Variants in AKR1C8 observed in about 807,000 individuals in gnomAD.
AKR1C8 encodes aldo-keto reductase family 1 member C8.
chr10:5,129,702 C>T, the AKR1C8 span, among the ~76,000 whole-genome samples: 1 of 151,904 alleles, frequency 6.6e-6, no homozygotes, highest in Non-Finnish European at 1.5e-5. Flanking sequence ...AACATACAAC[C>T]TTCTTAGATT....
the AKR1C8 span, chr10:5,159,865 G>C: frequency 2.0e-6 from 1 of 504,878 alleles, no homozygotes; most frequent in Non-Finnish European, 4.1e-6. Context: ...AGAAGGTCCC[G>C]GTGGGCTAAG....
At chr10:5,151,151 C>A in the AKR1C8 span, among the ~76,000 whole-genome samples, 1 of 152,058 alleles carries the variant, frequency 6.6e-6, no homozygotes, top group Non-Finnish European at 1.5e-5. Flanking sequence ...CTGGGTGGCA[C>A]CAGCTGATCT....
At chr10:5,149,022 C>G in the AKR1C8 span, among the ~76,000 whole-genome samples, 5 of 152,156 alleles carry the variant, frequency 3.3e-5, no homozygotes, top group African/African-American at 1.2e-4. Flanking sequence ...TCTGTCTTTA[C>G]TACTAAAAAC....
the AKR1C8 span, chr10:5,157,597 C>A: frequency 2.2e-6 from 1 of 458,732 alleles, no homozygotes; most frequent in Non-Finnish European, 4.5e-6. Context: ...AGATCAGCAC[C>A]CATGGCTCAC....
the AKR1C8 span, among the ~76,000 whole-genome samples, chr10:5,146,030 A>G: frequency 2.0e-4 from 30 of 151,856 alleles, no homozygotes; most frequent in African/African-American, 5.1e-4. Flanking sequence ...AAAAAATGAT[A>G]AGTTCATGTC....
the AKR1C8 span, among the ~76,000 whole-genome samples, chr10:5,169,196 C>T: frequency 2.0e-5 from 3 of 152,176 alleles, no homozygotes; most frequent in Admixed American, 6.5e-5. Context: ...AAGTGATTTC[C>T]TTGAAATGCA....
chr10:5,118,708 C>A, the AKR1C8 span, among the ~76,000 whole-genome samples: 1 of 152,088 alleles, frequency 6.6e-6, no homozygotes, highest in East Asian at 1.9e-4. Context: ...TGAGTCCTGG[C>A]ATTAATAGAG....
At chr10:5,149,720 T>A in the AKR1C8 span, among the ~76,000 whole-genome samples, 3 of 152,164 alleles carry the variant, frequency 2.0e-5, no homozygotes, top group African/African-American at 7.2e-5. Flanking sequence ...TCTGCAAATA[T>A]GTCATTCCAG....
the AKR1C8 span, among the ~76,000 whole-genome samples, chr10:5,130,927 T>A: frequency 6.6e-6 from 1 of 152,006 alleles, no homozygotes; most frequent in Non-Finnish European, 1.5e-5. Context: ...AGGCAGTACA[T>A]TACCAGACTT....
At chr10:5,119,336 A>G in the AKR1C8 span, among the ~76,000 whole-genome samples, 1 of 152,210 alleles carries the variant, frequency 6.6e-6, no homozygotes, top group African/African-American at 2.4e-5. Context: ...AAATTTTTGA[A>G]TAATATTTGA....
the AKR1C8 span, among the ~76,000 whole-genome samples, chr10:5,141,523 T>C: frequency 3.9e-5 from 6 of 152,164 alleles, no homozygotes; most frequent in Non-Finnish European, 8.8e-5. Flanking sequence ...AGAATCATTA[T>C]CTACAGCAGC....
At chr10:5,128,703 T>C in the AKR1C8 span, among the ~76,000 whole-genome samples, 2 of 152,030 alleles carry the variant, frequency 1.3e-5, no homozygotes, top group African/African-American at 4.8e-5. Flanking sequence ...AAAATAATTA[T>C]ATAATGATAA....
chr10:5,140,934 T>C, the AKR1C8 span, among the ~76,000 whole-genome samples: 1 of 152,300 alleles, frequency 6.6e-6, no homozygotes, highest in Admixed American at 6.5e-5. Flanking sequence ...TGGCAATTTC[T>C]TAAATAAAAT....
At chr10:5,158,500 A>T in the AKR1C8 span, 1 of 395,500 alleles carries the variant, frequency 2.5e-6, no homozygotes, top group South Asian at 2.0e-5. Context: ...TTAATCTTTG[A>T]GCTTTTTTAT....
At chr10:5,126,114 C>G in the AKR1C8 span, among the ~76,000 whole-genome samples, 5 of 152,054 alleles carry the variant, frequency 3.3e-5, no homozygotes, top group Non-Finnish European at 7.4e-5. Context: ...CTACCACCAA[C>G]AGTCAAATGG....
At chr10:5,125,425 A>T in the AKR1C8 span, among the ~76,000 whole-genome samples, 1 of 152,046 alleles carries the variant, frequency 6.6e-6, no homozygotes, top group South Asian at 2.1e-4. Flanking sequence ...ACTTTTGGGA[A>T]CTCTGTGACC....
At chr10:5,127,506 G>C in the AKR1C8 span, among the ~76,000 whole-genome samples, 1 of 152,004 alleles carries the variant, frequency 6.6e-6, no homozygotes, top group Non-Finnish European at 1.5e-5. Flanking sequence ...ATCACTTGAG[G>C]TCAGGAGTTC....
chr10:5,166,458 G>A, the AKR1C8 span, among the ~76,000 whole-genome samples: 9,222 of 152,152 alleles, frequency 0.061, 341 homozygotes, highest in Middle Eastern at 0.071. Context: ...CAACGGAACA[G>A]AACAGAGCCC....
chr10:5,145,676 A>G, the AKR1C8 span, among the ~76,000 whole-genome samples: 1 of 152,302 alleles, frequency 6.6e-6, no homozygotes, highest in African/African-American at 2.4e-5. Context: ...TAGAATGGCA[A>G]TCATTAAAAA....
Sources: gnomAD v4.1 joint callset for allele counts (sites outside exome capture counted in the v4.1 genomes callset) on GRCh38, gnomAD v4.1.1 for gene constraint, MANE v1.5 for transcripts, NCBI Gene and HGNC (gene_info 2026-07-23, HGNC 2026-07-21) for gene names.